Variants in INPP4B observed in about 807,000 individuals in gnomAD.
INPP4B encodes the protein inositol polyphosphate-4-phosphatase type II B, also known as inositol polyphosphate 4-phosphatase type II.
INPP4B carries 55 observed loss-of-function variants against 122.5 expected under a neutral mutation model. That is an observed-to-expected ratio of 0.45 (90% CI 0.36 to 0.56). INPP4B has a LOEUF of 0.56. Among genes scored for constraint, INPP4B ranks in the 20% least tolerant of loss-of-function variants. The pLI, the probability that INPP4B is intolerant of heterozygous loss-of-function variation, is 0.00. For synonymous variants in INPP4B, 403 were observed against 388.7 expected, an observed-to-expected ratio of 1.04 and a Z score of -0.43; for missense variants, 1,000 against 1,097.7, an observed-to-expected ratio of 0.91 and a Z score of 1.26.
At chr4:142,227,157 C>T (rs1187210410) in intron 12 of INPP4B, among the ~76,000 whole-genome samples, 1 of 152,010 alleles carries the variant, frequency 6.6e-6, no homozygotes, top group Non-Finnish European at 1.5e-5. Context: ...AGTGGGAGAG[C>T]TGGGATACTT....
At chr4:142,611,637 CTTTTTTTTT>C (rs34482115) in intron 2 of INPP4B, among the ~76,000 whole-genome samples, 11 of 65,236 alleles carry the variant, frequency 1.7e-4, no homozygotes, top group African/African-American at 7.0e-4. Context: ...TTTCTTTTTT[CTTTTTTTTT>C]TTTTTTTTTT....
At chr4:142,682,583 CAG>C (rs1190992763) in intron 2 of INPP4B, among the ~76,000 whole-genome samples, 1 of 151,762 alleles carries the variant, frequency 6.6e-6, no homozygotes. Context: ...ATACCTAAAA[CAG>C]TGTCACTTTC....
chr4:142,775,254 A>G (rs1219020483), intron 1 of INPP4B, among the ~76,000 whole-genome samples: 1 of 151,148 alleles, frequency 6.6e-6, no homozygotes, highest in African/African-American at 2.5e-5. Flanking sequence ...TCCTCCATGC[A>G]TTCTTCTTTA....
At chr4:142,489,695 A>C (rs1354230345) in intron 2 of INPP4B, among the ~76,000 whole-genome samples, 1 of 152,112 alleles carries the variant, frequency 6.6e-6, no homozygotes, top group African/African-American at 2.4e-5. Context: ...CACCTGGCGT[A>C]GATGGTGTTT....
chr4:142,417,665 C>T (rs186605670), intron 5 of INPP4B, among the ~76,000 whole-genome samples: 5 of 151,918 alleles, frequency 3.3e-5, no homozygotes, highest in Non-Finnish European at 7.4e-5. Context: ...AGAATAATAC[C>T]ATTGGAGAAT....
chr4:142,637,957 C>A (rs1196459262), intron 2 of INPP4B, among the ~76,000 whole-genome samples: 3 of 152,216 alleles, frequency 2.0e-5, no homozygotes, highest in Non-Finnish European at 2.9e-5. Flanking sequence ...TGATGTTGAC[C>A]ATCTTTTTAT....
chr4:142,053,443 A>G (rs1337861026), intron 25 of INPP4B, among the ~76,000 whole-genome samples: 1 of 152,120 alleles, frequency 6.6e-6, no homozygotes, highest in Non-Finnish European at 1.5e-5. Flanking sequence ...ATTAACAGAA[A>G]GGAAACATGT....
At chr4:142,330,013 CTGAG>C (rs1424894092) in intron 7 of INPP4B, among the ~76,000 whole-genome samples, 3 of 152,094 alleles carry the variant, frequency 2.0e-5, no homozygotes, top group African/African-American at 7.2e-5. Context: ...TATAAACAAA[CTGAG>C]TGATAATAAC....
At chr4:142,103,463 C>A (rs184261655) in intron 23 of INPP4B, among the ~76,000 whole-genome samples, 1 of 151,642 alleles carries the variant, frequency 6.6e-6, no homozygotes, top group African/African-American at 2.4e-5. Flanking sequence ...TTTTTCCTGG[C>A]GCAAAAATAA....
At chr4:142,104,455 C>A (rs916101925) in intron 23 of INPP4B, among the ~76,000 whole-genome samples, 1 of 152,162 alleles carries the variant, frequency 6.6e-6, no homozygotes, top group African/African-American at 2.4e-5. Flanking sequence ...CTAATAACTG[C>A]CACACTGGAA....
At chr4:142,157,381 AC>A (rs1160525406) in intron 17 of INPP4B, among the ~76,000 whole-genome samples, 2 of 152,174 alleles carry the variant, frequency 1.3e-5, no homozygotes, top group African/African-American at 4.8e-5. Flanking sequence ...TATATACCAA[AC>A]AAACTCGGTT....
At chr4:142,379,193 G>T (rs1793136429) in intron 7 of INPP4B, among the ~76,000 whole-genome samples, 1 of 151,988 alleles carries the variant, frequency 6.6e-6, no homozygotes, top group Admixed American at 6.6e-5. Flanking sequence ...TCTATCTAGG[G>T]CTTTCCAAAA....
chr4:142,451,613 A>G (rs1485131280), intron 3 of INPP4B, among the ~76,000 whole-genome samples: 5 of 152,256 alleles, frequency 3.3e-5, no homozygotes, highest in Middle Eastern at 3.4e-3. Context: ...TGGTTACTTA[A>G]CAAAGAGATA....
At chr4:142,380,746 A>G (rs1793817702) in intron 7 of INPP4B, among the ~76,000 whole-genome samples, 1 of 151,924 alleles carries the variant, frequency 6.6e-6, no homozygotes, top group Admixed American at 6.6e-5. Flanking sequence ...TTTTCTGCAT[A>G]CTCATAATAG....
rs754917885 is a variant in INPP4B at position 142,772,127 on chromosome 4, G to T, written c.-253-46226C>A. 3.3e-5 allele frequency among the ~76,000 whole-genome samples: 5 copies of T among 152,268 alleles called. No individual in the cohort carries two copies. The Middle Eastern group carries it at 0.014, about 414-fold the overall frequency. On this transcript the variant is annotated intron_variant, in intron 1 of 25. Transcript: ENST00000262992. Reference sequence around the variant, plus strand: ...ACAAAATAGGTAAAGAGAAGTCCAGGTTGGAGATAAAAATTTGTGAGTCAT... The same window carrying T: ...ACAAAATAGGTAAAGAGAAGTCCAGTTTGGAGATAAAAATTTGTGAGTCAT...
rs533541177 is a variant in INPP4B, at chr4:142,314,569, G to A, written c.423+143C>T. ...GAATTCCATGCAATTCAGCAAATATGTGACAGTGCCTCCTTGAAGAGCCAC... is the reference window on the plus strand; with the variant it reads ...GAATTCCATGCAATTCAGCAAATATATGACAGTGCCTCCTTGAAGAGCCAC... On this transcript the variant is annotated intron_variant, in intron 8 of 25. Transcript: ENST00000262992. 40 of 736,584 alleles carry A rather than the reference G, an allele frequency of 5.4e-5. 1 individual carries two copies. The Middle Eastern group carries it at 1.1e-3, about 20-fold the overall frequency. The allele number at this position is 736,584 out of a possible 1,614,324, so 45.6% of individuals were successfully genotyped here. A position where few individuals can be genotyped will look rare whatever the true frequency, so the allele number is the denominator to read the frequency against.
chr4:142,098,043 G>T (rs1263243063), intron 23 of INPP4B, among the ~76,000 whole-genome samples: 2 of 152,170 alleles, frequency 1.3e-5, no homozygotes, highest in Non-Finnish European at 2.9e-5. Context: ...CAGCGGGCAA[G>T]AGATTGCAAT....
chr4:142,646,211 A>G (rs1020890205), intron 2 of INPP4B, among the ~76,000 whole-genome samples: 1 of 152,212 alleles, frequency 6.6e-6, no homozygotes, highest in South Asian at 2.1e-4. Context: ...TTATATCTCA[A>G]TGAAGTTGAT....
chr4:142,710,020 T>C (rs72728612), intron 2 of INPP4B, among the ~76,000 whole-genome samples: 1,875 of 152,318 alleles, frequency 0.012, 16 homozygotes, highest in Non-Finnish European at 0.02. Flanking sequence ...TATTAGCCTC[T>C]AGTATATGCC....
Sources: gnomAD v4.1 joint callset for allele counts (sites outside exome capture counted in the v4.1 genomes callset) on GRCh38, gnomAD v4.1.1 for gene constraint, MANE v1.5 for transcripts, NCBI Gene and HGNC (gene_info 2026-07-23, HGNC 2026-07-21) for gene names.